DUSP29: variants seen among roughly 807,000 people sequenced by gnomAD.
The protein encoded by DUSP29 is atypical dual-specific protein phosphatase.
DUSP29 carries 12 observed loss-of-function variants against 13.5 expected under a neutral mutation model. The observed-to-expected ratio is 0.89, with a 90% CI of 0.57 to 1.44. The LOEUF (loss-of-function observed/expected upper bound fraction) is 1.44, where lower values mean the gene tolerates loss of function less well. Ranked by LOEUF, DUSP29 falls within the 40% of genes most tolerant of loss-of-function variation. The pLI is 0.00. For synonymous variants in DUSP29, 134 were observed against 128.7 expected (o/e 1.04, Z -0.28); for missense variants, 308 against 301.1 (o/e 1.02, Z -0.17).
chr10:75,049,400 A>G (rs1026529165), intron 2 of DUSP29, among the ~76,000 whole-genome samples: 2 of 152,110 alleles, frequency 1.3e-5, no homozygotes, highest in African/African-American at 4.8e-5. Context: ...GAGTGATTGG[A>G]CTCGGCATTT....
At chr10:75,072,230 C>T (rs1208460922) in intron 1 of DUSP29, among the ~76,000 whole-genome samples, 1 of 152,190 alleles carries the variant, frequency 6.6e-6, no homozygotes, top group African/African-American at 2.4e-5. Context: ...ACACAAGCCG[C>T]CTATAGACAG....
At chr10:75,069,222 G>T (rs1490458217) in intron 1 of DUSP29, among the ~76,000 whole-genome samples, 1 of 152,164 alleles carries the variant, frequency 6.6e-6, no homozygotes, top group East Asian at 1.9e-4. Flanking sequence ...CCTCCCGGAA[G>T]CCCTGAGGAG....
intron 3 of DUSP29, among the ~76,000 whole-genome samples, chr10:75,041,520 C>T (rs1274964300): frequency 1.3e-5 from 2 of 152,204 alleles, no homozygotes; most frequent in Non-Finnish European, 2.9e-5. Context: ...ACAAGTGCCC[C>T]CTACCCACAC....
chr10:75,038,110 C>T (rs1375415158), intron 3 of DUSP29, 33 bp from the exon 4 acceptor site: 1 of 1,595,958 alleles, frequency 6.3e-7, no homozygotes, highest in African/African-American at 1.3e-5. Flanking sequence ...AAAACCCACA[C>T]TGAGGGGCAG....
intron 3 of DUSP29, among the ~76,000 whole-genome samples, chr10:75,043,516 G>A (rs896663562): frequency 3.3e-5 from 5 of 152,200 alleles, no homozygotes; most frequent in Non-Finnish European, 5.9e-5. Flanking sequence ...GCAGCACGCT[G>A]GGTGGTGCAG....
At chr10:75,043,153 G>A (rs1231443601) in intron 3 of DUSP29, among the ~76,000 whole-genome samples, 2 of 152,232 alleles carry the variant, frequency 1.3e-5, no homozygotes, top group African/African-American at 2.4e-5. Flanking sequence ...CAAATACAGC[G>A]TGCCAGTAAA....
Position 75,070,070 on chromosome 10 carries a change from A to AAAGGAAGG in DUSP29, c.-35+3491_-35+3498dup, listed in dbSNP as rs71024533. On this transcript the variant is annotated intron_variant, in intron 1 of 3. Coordinates refer to ENST00000338487, the MANE Select transcript of DUSP29 (RefSeq NM_001003892.3). Reference sequence around the variant, plus strand: ...GTCAAAAAAAAAAGAAAGAAAGAAGAAAGGAAGGAAGGAAGGAAGGAAGGA... The same window carrying AAAGGAAGG: ...GTCAAAAAAAAAAGAAAGAAAGAAGAAAGGAAGGAAGGAAGGAAGGAAGGAAGGAAGGA... 4.0e-4 allele frequency among the ~76,000 whole-genome samples: 42 copies of AAAGGAAGG among 105,396 alleles called. 1 individual carries two copies. The highest frequency in any genetic ancestry group is 8.1e-4 in the East Asian group (3 of 3,704). The allele number at this position is 105,396 out of a possible 152,430, so 69.1% of individuals were successfully genotyped here.
chr10:75,047,328 G>C (rs1846727057), intron 2 of DUSP29, among the ~76,000 whole-genome samples: 2 of 152,240 alleles, frequency 1.3e-5, no homozygotes, highest in Non-Finnish European at 2.9e-5. Context: ...CACAGATGTT[G>C]TGGGGGAGGC....
intron 3 of DUSP29, among the ~76,000 whole-genome samples, chr10:75,040,384 G>A (rs368174585): frequency 2.0e-5 from 3 of 152,158 alleles, no homozygotes; most frequent in Non-Finnish European, 4.4e-5. Context: ...TTAGCGCCTC[G>A]TGGCATTTGC....
intron 2 of DUSP29, among the ~76,000 whole-genome samples, chr10:75,056,848 A>G (rs1846970409): frequency 6.6e-6 from 1 of 152,214 alleles, no homozygotes; most frequent in African/African-American, 2.4e-5. Context: ...CATTTAACCT[A>G]GTATAATTAA....
intron 2 of DUSP29, among the ~76,000 whole-genome samples, chr10:75,054,651 C>A (rs994213549): frequency 2.0e-5 from 3 of 151,982 alleles, no homozygotes; most frequent in African/African-American, 7.3e-5. Flanking sequence ...ATATTGAAAG[C>A]AATCTTTCTT....
At chr10:75,039,333 T>C (rs1846536814) in intron 3 of DUSP29, among the ~76,000 whole-genome samples, 1 of 152,176 alleles carries the variant, frequency 6.6e-6, no homozygotes, top group African/African-American at 2.4e-5. Context: ...GGTTAAAGCC[T>C]GGCCAACATG....
At position 75,037,924 on chromosome 10, in the gene DUSP29, T is replaced by C; in HGVS notation, c.575A>G (p.Gln192Arg). Reference protein sequence around the residue: ...CVLPNRGFLKQLRELDKQLVQ... With the variant: ...CVLPNRGFLKRLRELDKQLVQ... ...CAGCTGCTTGTCCAGCTCCCGGAGC[T>C]GCTTCAAAAAGCCCCGGTTCGGGAG... Residue 192 changes from glutamine (Q) to arginine (R), a missense_variant, in exon 4 of 4, where the codon CAG (glutamine) becomes CGG (arginine). Gln to Arg is a conservative substitution (Grantham distance 43). Transcript: ENST00000338487. The C allele has an allele frequency of 6.2e-7, 1 of 1,613,918 alleles. No individual in the cohort carries two copies. The highest frequency in any genetic ancestry group is 8.5e-7 in the Non-Finnish European group (1 of 1,180,030).
At chr10:75,040,063 C>CT (rs1049582342) in intron 3 of DUSP29, among the ~76,000 whole-genome samples, 2 of 152,062 alleles carry the variant, frequency 1.3e-5, no homozygotes, top group African/African-American at 4.8e-5. Flanking sequence ...CACCTCCCAG[C>CT]TACCTGGGAG....
At chr10:75,062,785 C>T (rs1004456349) in intron 1 of DUSP29, among the ~76,000 whole-genome samples, 1 of 152,132 alleles carries the variant, frequency 6.6e-6, no homozygotes, top group Non-Finnish European at 1.5e-5. Context: ...TCCATAGATT[C>T]GACCCAGAGA....
chr10:75,059,385 C>A (rs1847038929), intron 1 of DUSP29, among the ~76,000 whole-genome samples: 1 of 152,126 alleles, frequency 6.6e-6, no homozygotes, highest in Non-Finnish European at 1.5e-5. Flanking sequence ...CTATGGTCAG[C>A]CTGGGAAAGG....
chr10:75,063,455 G>C (rs1847132347), intron 1 of DUSP29, among the ~76,000 whole-genome samples: 1 of 151,982 alleles, frequency 6.6e-6, no homozygotes, highest in Non-Finnish European at 1.5e-5. Context: ...TGCTGGTCAG[G>C]CCTGCAGTAT....
chr10:75,044,066 G>C (rs748184602), intron 2 of DUSP29, 49 bp from the exon 3 acceptor site: 1 of 1,560,612 alleles, frequency 6.4e-7, no homozygotes, highest in Non-Finnish European at 8.7e-7. Flanking sequence ...CCTGCCCCGG[G>C]TCCGGGAAAC....
intron 2 of DUSP29, among the ~76,000 whole-genome samples, chr10:75,051,012 G>A (rs1251653951): frequency 6.6e-6 from 1 of 152,192 alleles, no homozygotes; most frequent in Non-Finnish European, 1.5e-5. Context: ...AGCTAACCTG[G>A]GATGGAGAAA....
Sources: allele counts gnomAD v4.1 joint callset (sites outside exome capture counted in the v4.1 genomes callset), GRCh38; gene constraint gnomAD v4.1.1; transcripts MANE v1.5; gene names NCBI Gene and HGNC (gene_info 2026-07-23, HGNC 2026-07-21).